Variants in DPF3 observed in about 807,000 individuals in gnomAD.
DPF3 encodes zinc finger protein DPF3.
A neutral mutation model predicts 56.8 loss-of-function variants in DPF3; 18 were observed. That is an observed-to-expected ratio of 0.32 (90% confidence interval 0.22 to 0.47). DPF3 has a LOEUF of 0.47. DPF3 is among the 20% of genes least tolerant of loss of function. The pLI, the probability that DPF3 is intolerant of heterozygous loss-of-function variation, is 1.00. For synonymous variants in DPF3, 188 were observed against 180.2 expected (o/e 1.04, Z -0.35); for missense variants, 403 against 488.8 (o/e 0.82, Z 1.65).
intron 7 of DPF3, among the ~76,000 whole-genome samples, chr14:72,685,087 TGTTTAAGCCACCCA>T (rs1166941089): frequency 1.3e-5 from 2 of 152,198 alleles, no homozygotes; most frequent in African/African-American, 4.8e-5. Context: ...AAATTCCGGT[TGTTTAAGCCACCCA>T]GTCGATGGAA....
intron 2 of DPF3, among the ~76,000 whole-genome samples, chr14:72,761,009 GA>G (rs1282539295): frequency 6.6e-6 from 1 of 151,564 alleles, no homozygotes; most frequent in Non-Finnish European, 1.5e-5. Context: ...AATGATAAAG[GA>G]ATCAATTTAT....
Position 72,723,747 on chromosome 14 carries a change from A to T in DPF3, c.430-19T>A. On this transcript the variant is annotated intron_variant, in intron 4 of 10. Coordinates refer to ENST00000556509, the MANE Select transcript of DPF3 (RefSeq NM_001280542.3). ...AAACCCTCTGAAATGAAAAAAAAAAATAGAAAAGGTGAGAAACGAAATGCA... is the reference window on the plus strand; with the variant it reads ...AAACCCTCTGAAATGAAAAAAAAAATTAGAAAAGGTGAGAAACGAAATGCA... 1 of 1,564,236 alleles carries T rather than the reference A, an allele frequency of 6.4e-7. No individual in the cohort carries two copies. Among genetic ancestry groups the T allele is most frequent in the Non-Finnish European group, 8.6e-7 (1 of 1,158,710 alleles).
At chr14:72,783,957 C>T (rs1399066844) in intron 1 of DPF3, among the ~76,000 whole-genome samples, 1 of 152,174 alleles carries the variant, frequency 6.6e-6, no homozygotes, top group Non-Finnish European at 1.5e-5. Context: ...CCGGAGGGCG[C>T]AGTCTCCCCA....
chr14:72,766,080 T>C (rs187674712), intron 2 of DPF3, among the ~76,000 whole-genome samples: 3 of 152,326 alleles, frequency 2.0e-5, no homozygotes, highest in Admixed American at 2.0e-4. Flanking sequence ...GTTCATTATC[T>C]TGATTGTGGT....
chr14:72,874,479 CAA>C (rs573202244), intron 1 of DPF3, among the ~76,000 whole-genome samples: 5 of 135,568 alleles, frequency 3.7e-5, no homozygotes, highest in Admixed American at 7.4e-5. Flanking sequence ...ACTCCGTCTC[CAA>C]AAAAAAAAAA....
chr14:72,877,363 C>T (rs1048600658), intron 1 of DPF3, among the ~76,000 whole-genome samples: 1 of 152,108 alleles, frequency 6.6e-6, no homozygotes, highest in Admixed American at 6.5e-5. Flanking sequence ...CTCTGGGCAG[C>T]AAAGGAGGCA....
chr14:72,844,491 C>A (rs1356992181), intron 1 of DPF3, among the ~76,000 whole-genome samples: 2 of 152,148 alleles, frequency 1.3e-5, no homozygotes, highest in African/African-American at 4.8e-5. Context: ...GTCTTGAATA[C>A]AGGGTCCCTC....
rs1480369182 is a variant in DPF3, at chr14:72,889,431, A to G, written c.32+4626T>C. On this transcript the variant is annotated intron_variant, in intron 1 of 10. Transcript: ENST00000556509. ...CAGGTTCTTGGGAATCTGTTGGCTT[A>G]CAACGTCCGAGGGTCCTTTTTCATA... Among the ~76,000 whole-genome samples the G allele has an allele frequency of 5.3e-5, 8 of 152,242 alleles. No homozygotes were observed. The East Asian group carries it at 1.5e-3, about 29-fold the overall frequency.
intron 8 of DPF3, among the ~76,000 whole-genome samples, chr14:72,640,931 A>G (rs1885541067): frequency 6.6e-6 from 1 of 152,216 alleles, no homozygotes; most frequent in African/African-American, 2.4e-5. Context: ...GGACCTAGTT[A>G]GGGGTAGAGG....
chr14:72,761,266 A>C (rs1891059328), intron 2 of DPF3, among the ~76,000 whole-genome samples: 1 of 152,136 alleles, frequency 6.6e-6, no homozygotes, highest in Non-Finnish European at 1.5e-5. Context: ...CAACAGCAAA[A>C]CACAATTCTT....
At chr14:72,672,199 C>T (rs529471860) in intron 8 of DPF3, among the ~76,000 whole-genome samples, 1 of 152,170 alleles carries the variant, frequency 6.6e-6, no homozygotes, top group South Asian at 2.1e-4. Flanking sequence ...TAAATCAGAG[C>T]ATCCTGAAAT....
At chr14:72,734,139 C>T (rs10144553) in intron 3 of DPF3, among the ~76,000 whole-genome samples, 46,512 of 152,128 alleles carry the variant, frequency 0.31, 8,105 homozygotes, top group Middle Eastern at 0.4. Context: ...TAAAGACAGG[C>T]CCTGCCTTTA....
chr14:72,706,843 T>C (rs1351941965), intron 6 of DPF3, among the ~76,000 whole-genome samples: 1 of 152,136 alleles, frequency 6.6e-6, no homozygotes, highest in Non-Finnish European at 1.5e-5. Flanking sequence ...ATTATTATTA[T>C]ACTTTAAGTT....
chr14:72,826,743 C>T (rs1010399736), intron 1 of DPF3, among the ~76,000 whole-genome samples: 3 of 152,046 alleles, frequency 2.0e-5, no homozygotes, highest in African/African-American at 4.8e-5. Context: ...GTACTGGGAA[C>T]AAGACACATT....
intron 1 of DPF3, among the ~76,000 whole-genome samples, chr14:72,848,986 A>C (rs1212289166): frequency 6.6e-6 from 1 of 152,158 alleles, no homozygotes; most frequent in African/African-American, 2.4e-5. Flanking sequence ...TTCAATTCTC[A>C]CAATAACCCT....
chr14:72,710,252 C>A (rs963894153), intron 6 of DPF3, among the ~76,000 whole-genome samples: 4 of 152,208 alleles, frequency 2.6e-5, no homozygotes, highest in African/African-American at 9.6e-5. Flanking sequence ...AGTTATCATC[C>A]TGCCTACAAA....
intron 7 of DPF3, among the ~76,000 whole-genome samples, chr14:72,677,191 A>AT (rs138982394): frequency 6.6e-6 from 1 of 152,126 alleles, no homozygotes; most frequent in Non-Finnish European, 1.5e-5. Context: ...GTGGAGGTAC[A>AT]TTTTTAGTCT....
At chr14:72,879,709 G>C in intron 1 of DPF3, 1 of 1,410,090 alleles carries the variant, frequency 7.1e-7, no homozygotes, top group East Asian at 2.5e-5. Flanking sequence ...AGACACCAGG[G>C]GAATGTGTGA....
intron 3 of DPF3, among the ~76,000 whole-genome samples, chr14:72,746,371 G>C (rs1890323490): frequency 6.6e-6 from 1 of 152,240 alleles, no homozygotes; most frequent in African/African-American, 2.4e-5. Context: ...CGCAGCTGCA[G>C]GCTGGCATGG....
Sources: gnomAD v4.1 joint callset for allele counts (sites outside exome capture counted in the v4.1 genomes callset) on GRCh38, gnomAD v4.1.1 for gene constraint, MANE v1.5 for transcripts, NCBI Gene and HGNC (gene_info 2026-07-23, HGNC 2026-07-21) for gene names.